The following LIN9 variants were observed in gnomAD, a reference collection of about 807,000 sequenced individuals.
LIN9 encodes protein lin-9 homolog.
In LIN9, 18 loss-of-function variants were observed where a neutral mutation model predicts 78.0. The observed-to-expected ratio is 0.23, with a 90% CI of 0.16 to 0.34. The LOEUF (loss-of-function observed/expected upper bound fraction) is 0.34. Ranked by LOEUF, LIN9 falls within the 10% of genes least tolerant of loss-of-function variation. LIN9 has a pLI of 1.00. For missense variants in LIN9, 451 were observed against 644.1 expected, an observed-to-expected ratio of 0.70 and a Z score of 3.25; for synonymous variants, 192 against 215.2, an observed-to-expected ratio of 0.89 and a Z score of 0.94.
intron 4 of LIN9, among the ~76,000 whole-genome samples, chr1:226,293,490 A>T (rs1468625290): frequency 6.6e-6 from 1 of 152,258 alleles, no homozygotes; most frequent in Non-Finnish European, 1.5e-5. Context: ...TTTCTTGTTC[A>T]TTCAACCTTG....
intron 10 of LIN9, among the ~76,000 whole-genome samples, chr1:226,261,664 A>C (rs1201038008): frequency 6.6e-6 from 1 of 152,240 alleles, no homozygotes; most frequent in Non-Finnish European, 1.5e-5. Context: ...ATGGATAAGA[A>C]GACACAACAC....
intron 11 of LIN9, 23 bp downstream of exon 11, chr1:226,250,816 G>T: frequency 8.3e-7 from 1 of 1,210,180 alleles, no homozygotes. Context: ...AGCAAATGAA[G>T]AAAAAAAAAG....
At chr1:226,278,728 G>A (rs192724527) in intron 6 of LIN9, among the ~76,000 whole-genome samples, 1,904 of 151,760 alleles carry the variant, frequency 0.013, 35 homozygotes, top group African/African-American at 0.044. Context: ...GGAGGCTGAG[G>A]CAGGGGAATC....
intron 6 of LIN9, among the ~76,000 whole-genome samples, chr1:226,278,980 A>C (rs1660858807): frequency 6.6e-6 from 1 of 151,490 alleles, no homozygotes; most frequent in African/African-American, 2.4e-5. Context: ...AAAACCAAAA[A>C]ACAAACAAAC....
intron 1 of LIN9, among the ~76,000 whole-genome samples, chr1:226,304,792 T>C (rs1662798319): frequency 6.6e-6 from 1 of 152,090 alleles, no homozygotes; most frequent in African/African-American, 2.4e-5. Context: ...GGGAATGCAA[T>C]TAAGACAGTA....
upstream of LIN9, chr1:226,309,309 C>T (rs753545754): frequency 2.9e-6 from 3 of 1,027,556 alleles, no homozygotes; most frequent in Non-Finnish European, 3.5e-6. Context: ...CGCGCCTGCC[C>T]GGGGAGGAGG....
intron 6 of LIN9, among the ~76,000 whole-genome samples, chr1:226,278,285 C>T (rs1660796733): frequency 6.6e-6 from 1 of 152,004 alleles, no homozygotes; most frequent in South Asian, 2.1e-4. Flanking sequence ...AAAAATTAGC[C>T]AGGCGTGGTG....
intron 10 of LIN9, among the ~76,000 whole-genome samples, chr1:226,261,375 G>A (rs892112488): frequency 6.6e-6 from 1 of 151,466 alleles, no homozygotes; most frequent in Non-Finnish European, 1.5e-5. Context: ...GACTGTCTAC[G>A]TAGACAATCT....
chr1:226,253,061 G>C (rs1163355718), intron 10 of LIN9, among the ~76,000 whole-genome samples: 1 of 151,876 alleles, frequency 6.6e-6, no homozygotes, highest in Non-Finnish European at 1.5e-5. Flanking sequence ...CCAGGAGTTT[G>C]AGACCAGCCT....
At chr1:226,282,270 C>G (rs946053920) in intron 6 of LIN9, among the ~76,000 whole-genome samples, 1 of 152,130 alleles carries the variant, frequency 6.6e-6, no homozygotes. Context: ...CAATCTTTTA[C>G]TACTACAAAC....
intron 8 of LIN9, 41 bp from the exon 9 acceptor site, chr1:226,266,373 CCAAT>C: frequency 6.5e-7 from 1 of 1,545,952 alleles, no homozygotes; most frequent in African/African-American, 1.4e-5. Flanking sequence ...AAGAAATTTA[CCAAT>C]CATTTAAGCT....
At chr1:226,301,352 C>T in intron 1 of LIN9, 147 bp from the exon 2 acceptor site, 1 of 583,064 alleles carries the variant, frequency 1.7e-6, no homozygotes, top group South Asian at 2.3e-5. Flanking sequence ...AAATATCTGG[C>T]AGACAATTCA....
chr1:226,239,156 A>G, intron 11 of LIN9, 60 bp from the exon 12 acceptor site: 1 of 1,559,018 alleles, frequency 6.4e-7, no homozygotes, highest in Non-Finnish European at 8.8e-7. Context: ...TGCAATTTCA[A>G]TGATCTAAAA....
At chr1:226,246,918 A>G (rs756393784) in intron 11 of LIN9, among the ~76,000 whole-genome samples, 2 of 151,450 alleles carry the variant, frequency 1.3e-5, no homozygotes, top group Non-Finnish European at 2.9e-5. Context: ...GCCTTTAGTC[A>G]TTATCTTTTA....
rs759848264 is a variant in LIN9 at position 226,233,212 on chromosome 1, C to T, written c.1426-19G>A. ...CTAGACACTAAAGGGAAAAAAATTT[C>T]AAAATTTAATTGCATTATAGCTCAA... On this transcript the variant is annotated intron_variant, in intron 13 of 14. Coordinates refer to ENST00000681046, the MANE Select transcript of LIN9 (RefSeq NM_001366245.2). The T allele has an allele frequency of 7.6e-6, 12 of 1,573,246 alleles. No homozygotes were observed. In the East Asian group the frequency reaches 2.7e-4, roughly 35 times the overall value.
chr1:226,275,691 CAGAAAA>C (rs1660605149), intron 7 of LIN9, among the ~76,000 whole-genome samples: 1 of 43,446 alleles, frequency 2.3e-5, no homozygotes, highest in Non-Finnish European at 4.2e-5. Flanking sequence ...GACTCCGTCT[CAGAAAA>C]AAAAAAAAAA....
chr1:226,289,921 G>A (rs6675829), intron 4 of LIN9, among the ~76,000 whole-genome samples: 122,215 of 145,716 alleles, frequency 0.84, 51,462 homozygotes, highest in East Asian at 0.94. Flanking sequence ...TGTACTGAAG[G>A]TTCAAACCAA....
At chr1:226,251,129 T>A (rs1451647836) in intron 10 of LIN9, among the ~76,000 whole-genome samples, 1 of 152,164 alleles carries the variant, frequency 6.6e-6, no homozygotes, top group Non-Finnish European at 1.5e-5. Context: ...CAGTCTTGGC[T>A]CACTGCAACC....
At chr1:226,232,775 A>T in intron 14 of LIN9, 169 bp from the exon 15 acceptor site, 1 of 517,978 alleles carries the variant, frequency 1.9e-6, no homozygotes. Context: ...TAGTTGAACA[A>T]ATATGCTCTA....
Sources: gnomAD v4.1 joint callset for allele counts (sites outside exome capture counted in the v4.1 genomes callset) on GRCh38, gnomAD v4.1.1 for gene constraint, MANE v1.5 for transcripts, NCBI Gene and HGNC (gene_info 2026-07-23, HGNC 2026-07-21) for gene names.